The following C19orf38 variants were observed in gnomAD, a reference collection of about 807,000 sequenced individuals.
C19orf38 encodes chromosome 19 open reading frame 38.
Under a neutral mutation model 26.6 loss-of-function variants are expected in C19orf38, and 14 were observed. The observed-to-expected ratio is 0.53, with a 90% CI of 0.35 to 0.82. The LOEUF is 0.82. Ranked by LOEUF, C19orf38 falls within the 40% of genes least tolerant of loss-of-function variation. The probability of loss-of-function intolerance (pLI) is 0.01; values close to 1 mark genes in which losing one functional copy is unlikely to be tolerated. For missense variants in C19orf38, 261 were observed against 299.5 expected (o/e 0.87, Z 0.95); for synonymous variants, 132 against 128.5 (o/e 1.03, Z -0.18).
At chr19:10,840,099 T>A (rs2073468114) in intron 1 of C19orf38, among the ~76,000 whole-genome samples, 1 of 152,212 alleles carries the variant, frequency 6.6e-6, no homozygotes. Flanking sequence ...GTACAGCTGC[T>A]GTTAACATGT....
At chr19:10,842,362 A>G (rs11669655) in intron 1 of C19orf38, 167,105 of 553,954 alleles carry the variant, frequency 0.3, 26,668 homozygotes, top group East Asian at 0.58. Context: ...CCGGGTTCAC[A>G]CCATTCTCCT....
chr19:10,852,471 C>A (rs1405001952), intron 2 of C19orf38, among the ~76,000 whole-genome samples: 2 of 152,194 alleles, frequency 1.3e-5, no homozygotes, highest in Non-Finnish European at 2.9e-5. Flanking sequence ...GCGACTGGCC[C>A]CATGTTCTAA....
chr19:10,858,688 G>T (rs901010402), intron 4 of C19orf38, among the ~76,000 whole-genome samples: 1 of 151,976 alleles, frequency 6.6e-6, no homozygotes, highest in African/African-American at 2.4e-5. Flanking sequence ...GCCAGAAAAC[G>T]GTCACAATCA....
intron 1 of C19orf38, among the ~76,000 whole-genome samples, chr19:10,840,518 TTTTTG>T (rs1396148700): frequency 1.3e-5 from 2 of 151,992 alleles, no homozygotes; most frequent in African/African-American, 2.4e-5. Flanking sequence ...TTTGTTTTTG[TTTTTG>T]TTTTGTTTTG....
chr19:10,840,487 T>C (rs1033989679), intron 1 of C19orf38, among the ~76,000 whole-genome samples: 1 of 152,064 alleles, frequency 6.6e-6, no homozygotes, highest in Non-Finnish European at 1.5e-5. Context: ...TTTGTAATTA[T>C]AATAAAGACA....
At chr19:10,862,155 C>T (rs531598975) in intron 5 of C19orf38, among the ~76,000 whole-genome samples, 3 of 150,770 alleles carry the variant, frequency 2.0e-5, no homozygotes, top group African/African-American at 4.9e-5. Flanking sequence ...CCGCCTCAGC[C>T]TCCTAAAGTG....
At chr19:10,852,736 A>G (rs1423472998) in intron 2 of C19orf38, among the ~76,000 whole-genome samples, 3 of 152,058 alleles carry the variant, frequency 2.0e-5, no homozygotes, top group Non-Finnish European at 4.4e-5. Flanking sequence ...CAGGGAGTTC[A>G]CCAGGAGGAT....
At chr19:10,861,962 G>A (rs541175276) in intron 5 of C19orf38, among the ~76,000 whole-genome samples, 4 of 151,532 alleles carry the variant, frequency 2.6e-5, no homozygotes, top group South Asian at 4.2e-4. Context: ...GCGGTGACGC[G>A]ATCTGGGCTC....
chr19:10,838,150 C>T (rs2073450887), intron 1 of C19orf38, among the ~76,000 whole-genome samples: 1 of 152,124 alleles, frequency 6.6e-6, no homozygotes, highest in Non-Finnish European at 1.5e-5. Flanking sequence ...GTGGCTTACA[C>T]CTGTAATCCC....
chr19:10,842,160 T>C, intron 1 of C19orf38: 1 of 1,570,534 alleles, frequency 6.4e-7, no homozygotes, highest in Non-Finnish European at 8.8e-7. Context: ...ACCAAGCCCA[T>C]CTGAAATGTT....
intron 2 of C19orf38, among the ~76,000 whole-genome samples, chr19:10,854,179 C>T (rs1405524771): frequency 6.6e-6 from 1 of 151,292 alleles, no homozygotes; most frequent in Non-Finnish European, 1.5e-5. Context: ...TCTCGTGCCT[C>T]AGCCTCCCGA....
chr19:10,862,124 T>G (rs1157322892), intron 5 of C19orf38, among the ~76,000 whole-genome samples: 1 of 151,038 alleles, frequency 6.6e-6, no homozygotes, highest in Non-Finnish European at 1.5e-5. Context: ...ATGGTCTCGA[T>G]CTCCTGACCT....
chr19:10,858,421 G>GC (rs1031984453), intron 4 of C19orf38, 78 bp downstream of exon 4: 19 of 1,377,048 alleles, frequency 1.4e-5, no homozygotes, highest in South Asian at 6.6e-5. Flanking sequence ...GGCACTCCAT[G>GC]CCCCCCACAA....
At chr19:10,851,974 CAAAA>C (rs903489432) in intron 2 of C19orf38, among the ~76,000 whole-genome samples, 2 of 48,536 alleles carry the variant, frequency 4.1e-5, no homozygotes, top group Non-Finnish European at 8.7e-5. Context: ...GACTCCGTCT[CAAAA>C]AAAAAAAAAA....
At chr19:10,857,656 G>A (rs1432761287) in intron 3 of C19orf38, among the ~76,000 whole-genome samples, 1 of 151,580 alleles carries the variant, frequency 6.6e-6, no homozygotes, top group South Asian at 2.1e-4. Flanking sequence ...GCCGAGGTGG[G>A]CAGATCGCGA....
At position 10,852,735 on chromosome 19, in the gene C19orf38, C is replaced by T. The variant is rs562241646; in HGVS notation, c.340+2168C>T. 3.0e-4 allele frequency among the ~76,000 whole-genome samples: 45 copies of T among 152,080 alleles called. 1 individual carries two copies. In the East Asian group the frequency reaches 8.1e-3, roughly 27 times the overall value. On this transcript the variant is annotated intron_variant, in intron 2 of 6. Transcript: ENST00000397820. ...ATGGGGAGAGGCGGGGCAGGGAGTT[C>T]ACCAGGAGGATCGTGGGGGGTCTTG...
intron 2 of C19orf38, among the ~76,000 whole-genome samples, chr19:10,855,604 C>G (rs2073616588): frequency 6.6e-6 from 1 of 152,228 alleles, no homozygotes; most frequent in Non-Finnish European, 1.5e-5. Context: ...TCTCAGCTCA[C>G]TGCAACCTCC....
chr19:10,852,757 CT>C (rs1292099414), intron 2 of C19orf38, among the ~76,000 whole-genome samples: 1 of 152,026 alleles, frequency 6.6e-6, no homozygotes, highest in East Asian at 1.9e-4. Flanking sequence ...CGTGGGGGGT[CT>C]TGTAGACCAC....
intron 4 of C19orf38, 52 bp downstream of exon 4, chr19:10,858,395 C>G (rs1001836425): frequency 8.3e-5 from 125 of 1,497,696 alleles, no homozygotes; most frequent in Admixed American, 3.4e-4. Context: ...AAGAAGGACA[C>G]TTCCCTGGCA....
Sources: gnomAD v4.1 joint callset for allele counts (sites outside exome capture counted in the v4.1 genomes callset) on GRCh38, gnomAD v4.1.1 for gene constraint, MANE v1.5 for transcripts, NCBI Gene and HGNC (gene_info 2026-07-23, HGNC 2026-07-21) for gene names.